Variants in UNC5D observed in about 807,000 individuals in gnomAD.
UNC5D encodes the protein unc-5 netrin receptor D, also known as netrin receptor UNC5D.
UNC5D carries 39 observed loss-of-function variants against 105.4 expected under a neutral mutation model. The observed-to-expected ratio is 0.37, with a 90% CI of 0.29 to 0.48. The LOEUF is 0.48. UNC5D is among the 20% of genes least tolerant of loss of function. UNC5D has a pLI of 0.98. For synonymous variants in UNC5D, 452 were observed against 450.4 expected (o/e 1.00, Z -0.04); for missense variants, 991 against 1,202.4 (o/e 0.82, Z 2.60).
At chr8:35,729,848 G>C (rs544283592) in intron 10 of UNC5D, among the ~76,000 whole-genome samples, 30 of 152,322 alleles carry the variant, frequency 2.0e-4, no homozygotes, top group Admixed American at 2.0e-4. Context: ...CTTATTCTTA[G>C]TGCTGGTGAA....
At chr8:35,568,536 A>G (rs1157061628) in intron 3 of UNC5D, among the ~76,000 whole-genome samples, 1 of 152,124 alleles carries the variant, frequency 6.6e-6, no homozygotes, top group Non-Finnish European at 1.5e-5. Flanking sequence ...TAATAATACA[A>G]AAATTAGCTA....
chr8:35,427,744 G>C (rs1806347442), intron 1 of UNC5D, among the ~76,000 whole-genome samples: 1 of 151,980 alleles, frequency 6.6e-6, no homozygotes, highest in South Asian at 2.1e-4. Context: ...ATTTATCCTT[G>C]GTTCTCTTTA....
intron 1 of UNC5D, among the ~76,000 whole-genome samples, chr8:35,239,117 A>G (rs997767684): frequency 6.6e-6 from 1 of 152,162 alleles, no homozygotes; most frequent in Non-Finnish European, 1.5e-5. Context: ...TCAGTTTTTA[A>G]TAAGAGATTA....
At chr8:35,688,140 A>T (rs1051088631) in intron 7 of UNC5D, among the ~76,000 whole-genome samples, 1 of 146,080 alleles carries the variant, frequency 6.8e-6, no homozygotes, top group East Asian at 2.0e-4. Flanking sequence ...TCAAAAACAA[A>T]AAAAAACAAA....
intron 2 of UNC5D, among the ~76,000 whole-genome samples, chr8:35,550,217 G>A (rs1055707745): frequency 6.6e-6 from 1 of 152,132 alleles, no homozygotes; most frequent in East Asian, 1.9e-4. Flanking sequence ...CCCTGCAGTA[G>A]ATAATGCTAT....
intron 13 of UNC5D, among the ~76,000 whole-genome samples, chr8:35,755,478 A>ATGTG (rs140830705): frequency 1.2e-4 from 18 of 150,496 alleles, no homozygotes; most frequent in Admixed American, 6.0e-4. Context: ...ATTTGTGTGT[A>ATGTG]TGTGTGTGTG....
chr8:35,513,524 C>T (rs117717193), intron 1 of UNC5D, among the ~76,000 whole-genome samples: 2,215 of 150,846 alleles, frequency 0.015, 22 homozygotes, highest in South Asian at 0.036. Context: ...CCACCATGCC[C>T]GGCCGGGCCC....
chr8:35,270,105 A>T (rs934138824), intron 1 of UNC5D, among the ~76,000 whole-genome samples: 1 of 152,182 alleles, frequency 6.6e-6, no homozygotes, highest in Admixed American at 6.5e-5. Flanking sequence ...AAACTGAGGC[A>T]ACCAGAGAGA....
intron 1 of UNC5D, among the ~76,000 whole-genome samples, chr8:35,545,890 T>C (rs1815635132): frequency 6.6e-6 from 1 of 151,910 alleles, no homozygotes; most frequent in Non-Finnish European, 1.5e-5. Flanking sequence ...ACTGATTCTT[T>C]TTTCTTTATT....
intron 3 of UNC5D, among the ~76,000 whole-genome samples, chr8:35,589,916 T>C (rs1819051030): frequency 6.6e-6 from 1 of 152,218 alleles, no homozygotes; most frequent in African/African-American, 2.4e-5. Context: ...TCTTCATGTA[T>C]GCCCATTTTC....
At chr8:35,544,320 TA>T in intron 1 of UNC5D, 1 of 1,466,528 alleles carries the variant, frequency 6.8e-7, no homozygotes, top group Non-Finnish European at 9.1e-7. Context: ...TGGCTTTGTG[TA>T]AGAAGGAAGA....
intron 4 of UNC5D, among the ~76,000 whole-genome samples, chr8:35,613,565 T>C (rs1178491867): frequency 6.6e-6 from 1 of 152,180 alleles, no homozygotes. Flanking sequence ...TTGTTTGCAG[T>C]GAAGAAACCT....
intron 1 of UNC5D, among the ~76,000 whole-genome samples, chr8:35,489,879 A>C (rs1298414259): frequency 6.6e-6 from 1 of 152,226 alleles, no homozygotes; most frequent in Non-Finnish European, 1.5e-5. Flanking sequence ...AGCCCATCAA[A>C]GATTTATGTT....
intron 1 of UNC5D, among the ~76,000 whole-genome samples, chr8:35,306,160 A>G (rs939279311): frequency 6.6e-6 from 1 of 151,926 alleles, no homozygotes; most frequent in Non-Finnish European, 1.5e-5. Flanking sequence ...AAGACTGAAT[A>G]AATGATTTGA....
chr8:35,476,680 G>T (rs1320565088), intron 1 of UNC5D, among the ~76,000 whole-genome samples: 3 of 152,090 alleles, frequency 2.0e-5, no homozygotes, highest in Admixed American at 6.5e-5. Context: ...CCTTCTGAAA[G>T]GCTACTGTCC....
At chr8:35,366,430 G>A (rs1802130444) in intron 1 of UNC5D, among the ~76,000 whole-genome samples, 1 of 152,022 alleles carries the variant, frequency 6.6e-6, no homozygotes, top group African/African-American at 2.4e-5. Flanking sequence ...TCAGGTCTCA[G>A]GTTAGATGTA....
At chr8:35,716,095 C>T (rs1323910403) in intron 8 of UNC5D, among the ~76,000 whole-genome samples, 1 of 152,102 alleles carries the variant, frequency 6.6e-6, no homozygotes, top group African/African-American at 2.4e-5. Context: ...GCAAGTTAAC[C>T]CAGGTGCCGG....
At chr8:35,546,272 C>G (rs550386032) in intron 1 of UNC5D, among the ~76,000 whole-genome samples, 2 of 152,230 alleles carry the variant, frequency 1.3e-5, no homozygotes, top group South Asian at 4.2e-4. Flanking sequence ...CACTCTCCTG[C>G]TTTCTTTCAG....
chr8:35,686,076 T>TATCA (rs1345566442), intron 6 of UNC5D, among the ~76,000 whole-genome samples: 3 of 152,332 alleles, frequency 2.0e-5, no homozygotes, highest in African/African-American at 7.2e-5. Context: ...AGTTTAATAC[T>TATCA]ATCAATATAT....
Sources: allele counts gnomAD v4.1 joint callset (sites outside exome capture counted in the v4.1 genomes callset), GRCh38; gene constraint gnomAD v4.1.1; transcripts MANE v1.5; gene names NCBI Gene and HGNC (gene_info 2026-07-23, HGNC 2026-07-21).